DHX57: variants seen among roughly 807,000 people sequenced by gnomAD.
The protein encoded by DHX57 is DExH-box helicase 57.
In DHX57, 105 loss-of-function variants were observed where a neutral mutation model predicts 156.2. The ratio of observed to expected loss-of-function variants is 0.67; its 90% confidence interval spans 0.57 to 0.79. DHX57 has a LOEUF of 0.79. Ranked by LOEUF, DHX57 falls within the 30% of genes least tolerant of loss-of-function variation. DHX57 has a pLI of 0.00. For missense variants in DHX57, 1,847 were observed against 1,661.9 expected, an observed-to-expected ratio of 1.11 and a Z score of -1.94; for synonymous variants, 704 against 595.6, an observed-to-expected ratio of 1.18 and a Z score of -2.65.
At position 38,810,717 on chromosome 2, in the gene DHX57, C is replaced by A. The variant is rs564960385; in HGVS notation, c.3681+3104G>T. 537 of 790,710 alleles carry A rather than the reference C, an allele frequency of 6.8e-4. 11 individuals carry two copies. The South Asian group carries it at 6.9e-3, about 10-fold the overall frequency. The allele number at this position is 790,710 out of a possible 1,614,324, so 49.0% of individuals were successfully genotyped here. ...GGTTGTGCCAGAAACCGGTGTACAC[C>A]AACTCAGCAAATTTCAAGCCCAGGC... On this transcript the variant is annotated intron_variant, in intron 21 of 23. Transcript: ENST00000457308.
chr2:38,807,904 C>T (rs369584660), intron 21 of DHX57, among the ~76,000 whole-genome samples: 149 of 150,752 alleles, frequency 9.9e-4, no homozygotes, highest in African/African-American at 3.5e-3. Context: ...CCTCTGTCTC[C>T]CAAAGTGCTG....
At chr2:38,820,385 G>T in intron 17 of DHX57, among the ~76,000 whole-genome samples, 1 of 151,474 alleles carries the variant, frequency 6.6e-6, no homozygotes, top group East Asian at 1.9e-4. Context: ...CTGGATTCAG[G>T]GTCCAGAGTG....
chr2:38,807,700 T>A (rs966351951), intron 21 of DHX57, among the ~76,000 whole-genome samples: 1 of 151,184 alleles, frequency 6.6e-6, no homozygotes, highest in Non-Finnish European at 1.5e-5. Context: ...CAGGCTGGAG[T>A]GCAACGGTGC....
intron 22 of DHX57, among the ~76,000 whole-genome samples, chr2:38,804,552 A>C (rs990997473): frequency 6.6e-6 from 1 of 152,078 alleles, no homozygotes; most frequent in African/African-American, 2.4e-5. Context: ...TATGGCTCAA[A>C]ACCCTCCAAT....
chr2:38,838,515 T>A (rs967690831), intron 12 of DHX57, among the ~76,000 whole-genome samples: 1 of 152,210 alleles, frequency 6.6e-6, no homozygotes, highest in African/African-American at 2.4e-5. Flanking sequence ...CACTTTTTAC[T>A]CTCCTCATTC....
intron 13 of DHX57, among the ~76,000 whole-genome samples, chr2:38,833,249 T>G (rs1053093865): frequency 6.6e-6 from 1 of 152,110 alleles, no homozygotes; most frequent in African/African-American, 2.4e-5. Context: ...TTCAAGAGAT[T>G]CTCCTGCCTC....
chr2:38,870,106 C>A (rs1461073660), intron 1 of DHX57, among the ~76,000 whole-genome samples: 2 of 151,964 alleles, frequency 1.3e-5, no homozygotes, highest in Non-Finnish European at 2.9e-5. Flanking sequence ...TAAACATGAA[C>A]TAGCAAGAGA....
chr2:38,846,602 G>A (rs548060153), intron 11 of DHX57, among the ~76,000 whole-genome samples: 15 of 141,340 alleles, frequency 1.1e-4, no homozygotes, highest in Admixed American at 7.4e-5. Context: ...GGGCAACAGA[G>A]TAAGACTCTA....
intron 6 of DHX57, chr2:38,856,766 G>T: frequency 4.9e-6 from 1 of 202,830 alleles, no homozygotes. Flanking sequence ...CTCCCAAAGT[G>T]CTGGGATTAC....
intron 17 of DHX57, among the ~76,000 whole-genome samples, chr2:38,822,361 G>A (rs1057491475): frequency 4.0e-5 from 6 of 150,940 alleles, no homozygotes; most frequent in African/African-American, 7.3e-5. Context: ...GATTACAGGC[G>A]TGAGCCACCA....
At chr2:38,843,416 G>A (rs1205175789) in intron 11 of DHX57, among the ~76,000 whole-genome samples, 1 of 152,204 alleles carries the variant, frequency 6.6e-6, no homozygotes, top group Non-Finnish European at 1.5e-5. Context: ...TCGGAGACCA[G>A]CTAAGAATTT....
In DHX57 at chr2:38,862,146, T is replaced by C; in HGVS notation, c.571A>G (p.Arg191Gly). ...VSPFAVQKLS[R>G]YGFNTERCQA... ...CCCATAAATGATCAAAGCAATCACC[T>C]GGAAAGTTTTTGCACTGCAAATGGG... Residue 191 changes from arginine to glycine, a missense_variant and splice_region_variant, in exon 4 of 24, where the codon AGG (arginine) becomes GGG (glycine). By Grantham distance (125) the Arg-to-Gly change is moderately radical. Transcript: ENST00000457308. 6.3e-7 allele frequency: 1 copy of C among 1,592,128 alleles called. No individual in the cohort carries two copies. The highest frequency in any genetic ancestry group is 2.2e-5 in the East Asian group (1 of 44,484).
chr2:38,806,753 C>G, intron 21 of DHX57, 60 bp from the exon 22 acceptor site: 4 of 1,511,936 alleles, frequency 2.6e-6, no homozygotes, highest in Non-Finnish European at 3.6e-6. Flanking sequence ...TAGAAAGTAT[C>G]TCTTGGCACA....
rs747055396 is a variant in DHX57, at chr2:38,826,555, A to G, written c.2774T>C (p.Val925Ala). ...TTTCCCAGAATCGATAACATAGACAACATCATCGATGGTTATGGATGTCTC... is the reference window on the plus strand; with the variant it reads ...TTTCCCAGAATCGATAACATAGACAGCATCATCGATGGTTATGGATGTCTC... ...IAETSITIDD[V>A]VYVIDSGKMK... The change falls in exon 15 of 24, where the codon GTT becomes GCT. Residue 925 changes from valine to alanine, a missense_variant. Physicochemically the swap from Val to Ala is moderately conservative, Grantham distance 64. Transcript: ENST00000457308. 1 of 1,614,138 alleles carries G rather than the reference A, an allele frequency of 6.2e-7. No homozygotes were observed. The highest frequency in any genetic ancestry group is 8.5e-7 in the Non-Finnish European group (1 of 1,180,016).
At chr2:38,839,000 C>T (rs533867634) in intron 12 of DHX57, among the ~76,000 whole-genome samples, 2 of 151,458 alleles carry the variant, frequency 1.3e-5, no homozygotes, top group South Asian at 2.1e-4. Flanking sequence ...GGTGTGATCT[C>T]GGCTCACTGC....
intron 2 of DHX57, among the ~76,000 whole-genome samples, chr2:38,866,502 AT>A (rs936843445): frequency 2.0e-5 from 3 of 152,196 alleles, no homozygotes; most frequent in African/African-American, 7.2e-5. Context: ...GGTATTTTAT[AT>A]CCCTGTTACA....
intron 5 of DHX57, among the ~76,000 whole-genome samples, chr2:38,859,537 T>C (rs142566114): frequency 6.6e-6 from 1 of 152,348 alleles, no homozygotes; most frequent in African/African-American, 2.4e-5. Context: ...TTTTATGGTA[T>C]ATAAATTATG....
At chr2:38,810,901 C>T (rs556272191) in intron 21 of DHX57, 2 of 789,632 alleles carry the variant, frequency 2.5e-6, no homozygotes, top group Non-Finnish European at 4.4e-6. Flanking sequence ...GCTGTGCTTG[C>T]CTGCGACTTC....
chr2:38,874,401 ATTTTTTTTTT>A (rs60727396), intron 1 of DHX57, among the ~76,000 whole-genome samples: 1 of 75,456 alleles, frequency 1.3e-5, no homozygotes, highest in African/African-American at 5.5e-5. Context: ...GAAATACTGT[ATTTTTTTTTT>A]TTTTTTTTTT....
Sources: allele counts gnomAD v4.1 joint callset (sites outside exome capture counted in the v4.1 genomes callset), GRCh38; gene constraint gnomAD v4.1.1; transcripts MANE v1.5; gene names NCBI Gene and HGNC (gene_info 2026-07-23, HGNC 2026-07-21).